The following GUCY1B1 variants were observed in gnomAD, a reference collection of about 807,000 sequenced individuals.
The protein encoded by GUCY1B1 is guanylate cyclase 1 soluble subunit beta 1, also known as guanylate cyclase soluble subunit beta-1.
In GUCY1B1, 43 loss-of-function variants were observed where a neutral mutation model predicts 71.0. The observed-to-expected ratio is 0.61, with a 90% CI of 0.47 to 0.78. The LOEUF is 0.78. Ranked by LOEUF, GUCY1B1 falls within the 30% of genes least tolerant of loss-of-function variation. The pLI is 0.00. For synonymous variants in GUCY1B1, 266 were observed against 259.7 expected (o/e 1.02, Z -0.23); for missense variants, 535 against 754.1 (o/e 0.71, Z 3.40).
At chr4:155,801,869 CT>C (rs1739978854) in intron 9 of GUCY1B1, among the ~76,000 whole-genome samples, 1 of 152,272 alleles carries the variant, frequency 6.6e-6, no homozygotes, top group African/African-American at 2.4e-5. Flanking sequence ...GAGAGAAATT[CT>C]GCTTCTTTTA....
Position 155,774,908 on chromosome 4 carries a change from T to C in GUCY1B1, c.78-60T>C, listed in dbSNP as rs1311019020. ...ATTGTTTATACAATTATTATACTTA[T>C]AGTAGCTATTTTTTTAACTTCAACT... On this transcript the variant is annotated intron_variant, in intron 2 of 13. Transcript: ENST00000264424. The C allele has an allele frequency of 5.6e-5, 50 of 897,072 alleles. No individual in the cohort carries two copies. The Admixed American group carries it at 7.1e-4, about 13-fold the overall frequency. 55.6% of individuals were successfully genotyped at this position (897,072 alleles called of 1,614,324 possible).
intron 3 of GUCY1B1, among the ~76,000 whole-genome samples, chr4:155,776,055 C>T (rs1348026031): frequency 6.6e-6 from 1 of 151,906 alleles, no homozygotes; most frequent in Admixed American, 6.6e-5. Context: ...AAAATTGAAA[C>T]AAACATGAAA....
intron 2 of GUCY1B1, among the ~76,000 whole-genome samples, chr4:155,760,194 C>G (rs905636363): frequency 4.6e-5 from 7 of 152,126 alleles, no homozygotes; most frequent in African/African-American, 1.7e-4. Flanking sequence ...CGTGCAGAGC[C>G]CCGAGGGACC....
chr4:155,767,533 T>G (rs1579192819), intron 2 of GUCY1B1, among the ~76,000 whole-genome samples: 1 of 152,236 alleles, frequency 6.6e-6, no homozygotes, highest in East Asian at 1.9e-4. Flanking sequence ...TCAAGACTGT[T>G]GTTGTTTCCC....
chr4:155,770,451 T>C (rs888254782), intron 2 of GUCY1B1, among the ~76,000 whole-genome samples: 6 of 152,204 alleles, frequency 3.9e-5, no homozygotes, highest in African/African-American at 1.4e-4. Flanking sequence ...GAAGAAAAGT[T>C]GTATTGAGAA....
intron 2 of GUCY1B1, among the ~76,000 whole-genome samples, chr4:155,771,714 G>C (rs1304904858): frequency 6.6e-6 from 1 of 152,024 alleles, no homozygotes; most frequent in Non-Finnish European, 1.5e-5. Context: ...AATTTGTTCT[G>C]TTTTTACATA....
chr4:155,772,664 C>T, intron 2 of GUCY1B1: 1 of 701,628 alleles, frequency 1.4e-6, no homozygotes, highest in South Asian at 1.5e-5. Context: ...AACGGATCCT[C>T]CCACCTGGGC....
intron 9 of GUCY1B1, among the ~76,000 whole-genome samples, chr4:155,800,418 G>C (rs927257814): frequency 6.6e-6 from 1 of 152,074 alleles, no homozygotes; most frequent in Non-Finnish European, 1.5e-5. Context: ...GTTATATATT[G>C]ACCATCTTCA....
At chr4:155,777,261 C>A (rs1015177921) in intron 3 of GUCY1B1, among the ~76,000 whole-genome samples, 3 of 152,150 alleles carry the variant, frequency 2.0e-5, no homozygotes, top group Admixed American at 6.5e-5. Flanking sequence ...ATTAGGTATG[C>A]TCCACTTATA....
intron 1 of GUCY1B1, 94 bp from the exon 2 acceptor site, chr4:155,759,693 C>A: frequency 2.3e-6 from 2 of 855,860 alleles, no homozygotes; most frequent in East Asian, 2.6e-5. Context: ...AAGGTTAAGC[C>A]AGCGCCATGG....
chr4:155,776,429 A>C (rs4622952), intron 3 of GUCY1B1, among the ~76,000 whole-genome samples: 1 of 152,012 alleles, frequency 6.6e-6, no homozygotes, highest in African/African-American at 2.4e-5. Context: ...CAGCACTTTG[A>C]GAGGCCGAGG....
intron 2 of GUCY1B1, among the ~76,000 whole-genome samples, chr4:155,762,341 T>C (rs1737052189): frequency 6.6e-6 from 1 of 152,226 alleles, no homozygotes; most frequent in Admixed American, 6.5e-5. Flanking sequence ...ACATTTTTTT[T>C]TGTCTCAGTA....
chr4:155,795,596 C>A, intron 7 of GUCY1B1, 139 bp downstream of exon 7: 1 of 527,390 alleles, frequency 1.9e-6, no homozygotes, highest in Non-Finnish European at 3.3e-6. Context: ...ATTTAAAAGG[C>A]AATAACATTG....
chr4:155,792,343 A>G (rs1395835557), intron 5 of GUCY1B1, among the ~76,000 whole-genome samples: 2 of 152,214 alleles, frequency 1.3e-5, no homozygotes, highest in Non-Finnish European at 2.9e-5. Context: ...TAGGATACAT[A>G]TAATTCAATT....
chr4:155,792,798 A>G (rs1579239736), intron 5 of GUCY1B1, among the ~76,000 whole-genome samples: 2 of 152,138 alleles, frequency 1.3e-5, no homozygotes, highest in African/African-American at 4.8e-5. Flanking sequence ...TCTTAACCCA[A>G]AAAGAAGAGG....
intron 4 of GUCY1B1, among the ~76,000 whole-genome samples, chr4:155,786,271 CTTT>C (rs33996424): frequency 1.6e-5 from 2 of 123,778 alleles, no homozygotes; most frequent in Non-Finnish European, 1.6e-5. Context: ...GTTCAATTTC[CTTT>C]TTTTTTTTTT....
intron 2 of GUCY1B1, among the ~76,000 whole-genome samples, chr4:155,762,969 G>A (rs1024251074): frequency 1.3e-5 from 2 of 151,894 alleles, no homozygotes; most frequent in Non-Finnish European, 2.9e-5. Context: ...TTTTTTTGTT[G>A]ATTTCATTTC....
At position 155,802,963 on chromosome 4, in the gene GUCY1B1, T is replaced by A. The variant is rs1434800472; in HGVS notation, c.1413+384T>A. ...AATGCTTTGTACAGTAAAGAAGTCA[T>A]GAAGCATGAGAAGGACTCAGATTTG... is the stretch of plus-strand genomic sequence containing the variant. On this transcript the variant is annotated intron_variant, in intron 10 of 13. Coordinates refer to ENST00000264424, the MANE Select transcript of GUCY1B1 (RefSeq NM_000857.5). This position sits in a 1 kb window ranked among gnomAD's most constrained non-coding sequence, Gnocchi z 4.3. Among the ~76,000 whole-genome samples the A allele has an allele frequency of 6.6e-6, 1 of 152,316 alleles. No individual in the cohort carries two copies. The highest frequency in any genetic ancestry group is 1.5e-5 in the Non-Finnish European group (1 of 68,028).
At chr4:155,783,159 G>A (rs1277965836) in intron 4 of GUCY1B1, among the ~76,000 whole-genome samples, 1 of 152,138 alleles carries the variant, frequency 6.6e-6, no homozygotes, top group Non-Finnish European at 1.5e-5. Context: ...TAATATGTGT[G>A]TATATGCTTG....
Sources: gnomAD v4.1 joint callset for allele counts (sites outside exome capture counted in the v4.1 genomes callset) on GRCh38, gnomAD v4.1.1 for gene constraint, Gnocchi (gnomAD v3.1) non-coding constraint, MANE v1.5 for transcripts, NCBI Gene and HGNC (gene_info 2026-07-23, HGNC 2026-07-21) for gene names.